The following GPM6A variants were observed in gnomAD, a reference collection of about 807,000 sequenced individuals.
GPM6A encodes the protein glycoprotein M6A.
In GPM6A, 7 loss-of-function variants were observed where a neutral mutation model predicts 32.1. That is an observed-to-expected ratio of 0.22 (90% CI 0.12 to 0.41). The LOEUF (loss-of-function observed/expected upper bound fraction) is 0.41, where lower values mean the gene tolerates loss of function less well. GPM6A is among the 10% of genes least tolerant of loss of function. GPM6A has a pLI of 1.00. For missense variants in GPM6A, 235 were observed against 347.2 expected (o/e 0.68, Z 2.57); for synonymous variants, 130 against 123.4 (o/e 1.05, Z -0.35).
chr4:175,676,418 T>C (rs1246813397), intron 2 of GPM6A, among the ~76,000 whole-genome samples: 1 of 152,220 alleles, frequency 6.6e-6, no homozygotes. Flanking sequence ...TCAACTACTG[T>C]ATCTTCCACT....
rs185204701 is a variant in GPM6A at position 175,933,749 on chromosome 4, C to T, written c.-23+68560G>A. The stretch of plus-strand genomic sequence containing the variant: ...TTAGTGGAGACAGGGTTTCACCGTG[C>T]TAGCCAGGATGGTCTCGCTCTCCTG... On this transcript the variant is annotated intron_variant, in intron 1 of 7. Transcript: ENST00000280187. Among the ~76,000 whole-genome samples the T allele has an allele frequency of 5.4e-3, 820 of 152,112 alleles. 7 individuals carry two copies. The highest frequency in any genetic ancestry group is 0.013 in the African/African-American group (523 of 41,508).
chr4:175,810,473 C>T (rs1014008288), intron 1 of GPM6A, among the ~76,000 whole-genome samples: 1 of 152,122 alleles, frequency 6.6e-6, no homozygotes, highest in Admixed American at 6.5e-5. Context: ...CAGAAATCTT[C>T]CCCTCACGGC....
chr4:175,984,384 T>C (rs540034717), intron 1 of GPM6A, among the ~76,000 whole-genome samples: 9 of 152,196 alleles, frequency 5.9e-5, no homozygotes, highest in East Asian at 1.9e-4. Flanking sequence ...AGGATGGTCT[T>C]GATCTCCGGA....
intron 6 of GPM6A, among the ~76,000 whole-genome samples, chr4:175,638,328 T>G (rs1294885119): frequency 6.6e-6 from 1 of 152,034 alleles, no homozygotes; most frequent in Non-Finnish European, 1.5e-5. Flanking sequence ...TACATCATTA[T>G]CAGAGCTAAT....
intron 1 of GPM6A, among the ~76,000 whole-genome samples, chr4:175,935,235 C>A (rs1316097005): frequency 3.3e-5 from 5 of 152,100 alleles, no homozygotes; most frequent in African/African-American, 1.2e-4. Flanking sequence ...TTCAAAAGAG[C>A]CTTCCCTTCA....
intron 1 of GPM6A, among the ~76,000 whole-genome samples, chr4:175,723,324 G>GA (rs1467827362): frequency 2.6e-5 from 4 of 152,242 alleles, no homozygotes; most frequent in Admixed American, 6.5e-5. Flanking sequence ...TTTGGTCCCA[G>GA]AAAAAAGTTA....
intron 1 of GPM6A, among the ~76,000 whole-genome samples, chr4:175,728,648 C>A (rs981403936): frequency 6.6e-6 from 1 of 152,088 alleles, no homozygotes; most frequent in African/African-American, 2.4e-5. Flanking sequence ...TTTCAACTTC[C>A]CACCTATCCC....
rs1735601060 is a variant in GPM6A at position 175,831,217 on chromosome 4, G to A, written c.-22-18968C>T. Among the ~76,000 whole-genome samples, 4 of 151,660 alleles carry A rather than the reference G, an allele frequency of 2.6e-5. No homozygotes were observed. In the South Asian group the frequency reaches 8.3e-4, roughly 32 times the overall value. On this transcript the variant is annotated intron_variant, in intron 1 of 7. Transcript: ENST00000280187. The stretch of plus-strand genomic sequence containing the variant: ...CTGGATAAATTAAACTCACTGGATA[G>A]AAAAAAAAGAATTTGAATCTAATAG...
At chr4:175,934,350 G>C (rs754631894) in intron 1 of GPM6A, among the ~76,000 whole-genome samples, 1 of 152,158 alleles carries the variant, frequency 6.6e-6, no homozygotes, top group Non-Finnish European at 1.5e-5. Context: ...ATGAATCTCA[G>C]AAACCATACA....
intron 1 of GPM6A, among the ~76,000 whole-genome samples, chr4:175,940,837 G>C (rs1023977326): frequency 1.3e-5 from 2 of 152,192 alleles, no homozygotes; most frequent in Non-Finnish European, 2.9e-5. Context: ...TCGAACTCTT[G>C]ACCTTGTGAT....
At chr4:175,878,384 A>G (rs1379418685) in intron 1 of GPM6A, among the ~76,000 whole-genome samples, 1 of 152,190 alleles carries the variant, frequency 6.6e-6, no homozygotes, top group Non-Finnish European at 1.5e-5. Context: ...CCTGTAGCAG[A>G]CATCTGCTTA....
At chr4:175,836,755 A>G (rs942622651) in intron 1 of GPM6A, among the ~76,000 whole-genome samples, 1 of 152,160 alleles carries the variant, frequency 6.6e-6, no homozygotes, top group Non-Finnish European at 1.5e-5. Context: ...TTACAATGAC[A>G]ATGGGGTATA....
At chr4:175,686,100 C>G (rs535502580) in intron 2 of GPM6A, among the ~76,000 whole-genome samples, 1 of 152,320 alleles carries the variant, frequency 6.6e-6, no homozygotes, top group East Asian at 1.9e-4. Context: ...TAAAACTACA[C>G]AGGCAGGCTT....
chr4:175,695,478 A>G (rs773889338), intron 2 of GPM6A, among the ~76,000 whole-genome samples: 1 of 152,154 alleles, frequency 6.6e-6, no homozygotes, highest in Non-Finnish European at 1.5e-5. Context: ...AGTCAAAGGA[A>G]ATTATTATGG....
chr4:175,762,332 C>T (rs543426434), intron 1 of GPM6A, among the ~76,000 whole-genome samples: 11 of 152,232 alleles, frequency 7.2e-5, no homozygotes, highest in African/African-American at 2.6e-4. Flanking sequence ...TGCTCTATTG[C>T]TCATACAACA....
At chr4:175,733,173 T>G (rs922594045) in intron 1 of GPM6A, among the ~76,000 whole-genome samples, 3 of 152,064 alleles carry the variant, frequency 2.0e-5, no homozygotes, top group Non-Finnish European at 4.4e-5. Context: ...ATAAATAAAC[T>G]CTGAGAAATA....
chr4:175,769,566 C>T (rs901268095), intron 1 of GPM6A, among the ~76,000 whole-genome samples: 3 of 144,524 alleles, frequency 2.1e-5, no homozygotes, highest in Non-Finnish European at 3.1e-5. Context: ...CAAACACCCC[C>T]GAATGAGGTC....
At chr4:175,969,767 A>C (rs551069993) in intron 1 of GPM6A, among the ~76,000 whole-genome samples, 1 of 152,144 alleles carries the variant, frequency 6.6e-6, no homozygotes, top group Non-Finnish European at 1.5e-5. Context: ...AGTTACAACA[A>C]ATGTATCGCA....
At chr4:175,897,758 A>G (rs1034666742) in intron 1 of GPM6A, among the ~76,000 whole-genome samples, 10 of 152,188 alleles carry the variant, frequency 6.6e-5, no homozygotes, top group African/African-American at 2.2e-4. Flanking sequence ...AAATTTTAAA[A>G]TGTGTCTAGA....
Sources: allele counts gnomAD v4.1 joint callset (sites outside exome capture counted in the v4.1 genomes callset), GRCh38; gene constraint gnomAD v4.1.1; transcripts MANE v1.5; gene names NCBI Gene and HGNC (gene_info 2026-07-23, HGNC 2026-07-21).